Variants in MAD1L1 observed in about 807,000 individuals in gnomAD.
MAD1L1 encodes mitotic arrest deficient 1 like 1, also known as mitotic spindle assembly checkpoint protein MAD1.
Under a neutral mutation model 96.9 loss-of-function variants are expected in MAD1L1, and 95 were observed. The observed-to-expected ratio is 0.98, with a 90% CI of 0.83 to 1.16. The LOEUF is 1.16. Among genes scored for constraint, MAD1L1 ranks in the 50% most tolerant of loss-of-function variants. MAD1L1 has a pLI of 0.00. For missense variants in MAD1L1, 1,007 were observed against 954.4 expected (o/e 1.06, Z -0.73); for synonymous variants, 473 against 396.6 (o/e 1.19, Z -2.29).
At chr7:1,898,023 G>A (rs1786993780) in intron 18 of MAD1L1, 177 bp downstream of exon 18, 1 of 684,470 alleles carries the variant, frequency 1.5e-6, no homozygotes, top group Non-Finnish European at 2.5e-6. Flanking sequence ...GTTGGCCCAA[G>A]GCTGAGAAGC....
intron 14 of MAD1L1, among the ~76,000 whole-genome samples, chr7:1,983,149 CGCGCGCACACA>C (rs1375255768): frequency 1.1e-4 from 2 of 18,006 alleles, no homozygotes; most frequent in African/African-American, 4.7e-4. Context: ...CGCGCGCGCG[CGCGCGCACACA>C]CACACACACA....
chr7:2,084,104 G>A (rs1293032411), intron 11 of MAD1L1, among the ~76,000 whole-genome samples: 3 of 152,258 alleles, frequency 2.0e-5, no homozygotes, highest in African/African-American at 7.2e-5. Context: ...ACACCCGAAA[G>A]GCATTCCAAG....
intron 18 of MAD1L1, among the ~76,000 whole-genome samples, chr7:1,855,048 G>C (rs1784174069): frequency 6.6e-6 from 1 of 152,208 alleles, no homozygotes; most frequent in Non-Finnish European, 1.5e-5. Context: ...TCTGAAGAAG[G>C]CATCGGCGGC....
intron 13 of MAD1L1, among the ~76,000 whole-genome samples, chr7:2,006,640 G>A (rs889386539): frequency 6.0e-5 from 9 of 148,984 alleles, no homozygotes; most frequent in African/African-American, 9.9e-5. Context: ...CAGGAGAGAC[G>A]GGACATCACT....
At chr7:1,944,072 G>A (rs911401472) in intron 16 of MAD1L1, among the ~76,000 whole-genome samples, 5 of 150,474 alleles carry the variant, frequency 3.3e-5, no homozygotes, top group African/African-American at 5.0e-5. Flanking sequence ...TCCCTTCCCA[G>A]GAAATGCTGG....
rs532583969 is a variant in MAD1L1, at chr7:1,952,817, T to A, written c.1596+4812A>T. ...CACTCTGTCCAACATGGTAGAAGGT[T>A]CAGGAGAAAGAGCCGAACACAGAAT... On this transcript the variant is annotated intron_variant, in intron 16 of 18. Coordinates refer to ENST00000265854, the MANE Select transcript of MAD1L1 (RefSeq NM_001013836.2). 1.1e-3 allele frequency among the ~76,000 whole-genome samples: 165 copies of A among 152,254 alleles called. 3 individuals are homozygous for A. In the South Asian group the frequency reaches 0.034, roughly 31 times the overall value.
intron 17 of MAD1L1, among the ~76,000 whole-genome samples, chr7:1,900,457 C>T (rs748063270): frequency 1.2e-4 from 19 of 152,190 alleles, no homozygotes; most frequent in Non-Finnish European, 2.2e-4. Flanking sequence ...CTGGCAAAGA[C>T]GGCCCTGGGG....
intron 18 of MAD1L1, among the ~76,000 whole-genome samples, chr7:1,822,595 A>T (rs1372947780): frequency 6.6e-6 from 1 of 151,386 alleles, no homozygotes; most frequent in East Asian, 1.9e-4. Flanking sequence ...TCATGGCTGT[A>T]TTTTTTTCAT....
intron 13 of MAD1L1, among the ~76,000 whole-genome samples, chr7:2,009,904 C>G (rs142864470): frequency 5.7e-4 from 86 of 152,172 alleles, no homozygotes; most frequent in Admixed American, 3.9e-3. Context: ...CCCGGCTCAG[C>G]GCAGTTCTGT....
intron 11 of MAD1L1, among the ~76,000 whole-genome samples, chr7:2,110,346 C>A (rs1445334714): frequency 1.3e-5 from 2 of 152,230 alleles, no homozygotes; most frequent in Non-Finnish European, 2.9e-5. Context: ...GAGCAGCTGC[C>A]CGGCTGCTCC....
At chr7:1,961,841 G>A (rs887626567) in intron 15 of MAD1L1, among the ~76,000 whole-genome samples, 2 of 152,018 alleles carry the variant, frequency 1.3e-5, no homozygotes, top group African/African-American at 4.8e-5. Flanking sequence ...GAATCACAGG[G>A]CGGTTTCCCC....
At chr7:2,085,216 A>C (rs1785853130) in intron 11 of MAD1L1, among the ~76,000 whole-genome samples, 2 of 152,244 alleles carry the variant, frequency 1.3e-5, no homozygotes, top group South Asian at 4.1e-4. Context: ...CCACCATTCC[A>C]GGCAAAGCAG....
chr7:1,919,487 C>T (rs1015290209), intron 17 of MAD1L1, among the ~76,000 whole-genome samples: 7 of 152,232 alleles, frequency 4.6e-5, no homozygotes, highest in African/African-American at 1.2e-4. Context: ...AAGGGAGGAC[C>T]GCACTGGGGA....
intron 15 of MAD1L1, among the ~76,000 whole-genome samples, chr7:1,976,197 T>G (rs377406472): frequency 2.4e-4 from 36 of 152,388 alleles, no homozygotes; most frequent in African/African-American, 8.2e-4. Context: ...GGACCATCCC[T>G]GGTCCTCCTG....
intron 12 of MAD1L1, among the ~76,000 whole-genome samples, chr7:2,065,934 G>A (rs1328169059): frequency 4.6e-5 from 7 of 152,212 alleles, no homozygotes; most frequent in African/African-American, 7.2e-5. Context: ...GCCATACTGC[G>A]GAAGCTTGGG....
chr7:1,867,613 G>C (rs144560181), intron 18 of MAD1L1, among the ~76,000 whole-genome samples: 5 of 152,350 alleles, frequency 3.3e-5, no homozygotes, highest in Admixed American at 2.6e-4. Flanking sequence ...AGATTCTACC[G>C]GTGGCTCGGG....
At chr7:2,185,234 A>G (rs975492033) in intron 10 of MAD1L1, among the ~76,000 whole-genome samples, 4 of 152,156 alleles carry the variant, frequency 2.6e-5, no homozygotes, top group Non-Finnish European at 5.9e-5. Context: ...AGCCCTGGGC[A>G]AAAGATGACA....
At chr7:1,963,954 G>A (rs1780054795) in intron 15 of MAD1L1, among the ~76,000 whole-genome samples, 1 of 152,208 alleles carries the variant, frequency 6.6e-6, no homozygotes, top group South Asian at 2.1e-4. Flanking sequence ...GAGAGGTTTT[G>A]GGAGCCCCGC....
chr7:2,123,714 G>A (rs954314106), intron 11 of MAD1L1, among the ~76,000 whole-genome samples: 4 of 152,202 alleles, frequency 2.6e-5, no homozygotes, highest in Non-Finnish European at 4.4e-5. Flanking sequence ...AGTGCACTTC[G>A]CAGGCGGCGC....
Sources: gnomAD v4.1 joint callset for allele counts (sites outside exome capture counted in the v4.1 genomes callset) on GRCh38, gnomAD v4.1.1 for gene constraint, MANE v1.5 for transcripts, NCBI Gene and HGNC (gene_info 2026-07-23, HGNC 2026-07-21) for gene names.